PHF10: variants seen among roughly 807,000 people sequenced by gnomAD.
PHF10 encodes the protein BRG1-associated factor 45a.
In PHF10, 51 loss-of-function variants were observed where a neutral mutation model predicts 68.5. The ratio of observed to expected loss-of-function variants is 0.74; its 90% CI spans 0.59 to 0.94. The LOEUF is 0.94. Ranked by LOEUF, PHF10 falls within the 40% of genes least tolerant of loss-of-function variation. The pLI is 0.00. For missense variants in PHF10, 460 were observed against 602.6 expected (o/e 0.76, Z 2.48); for synonymous variants, 204 against 203.5 (o/e 1.00, Z -0.02).
intron 9 of PHF10, among the ~76,000 whole-genome samples, chr6:169,706,695 T>A (rs577961201): frequency 1.4e-5 from 2 of 138,434 alleles, no homozygotes; most frequent in East Asian, 2.1e-4. Context: ...GGGCCAAGAA[T>A]GAAATGGGGT....
Position 169,710,353 on chromosome 6 carries a change from A to C in PHF10, c.996T>G (p.Pro332=). 1 of 1,612,156 alleles carries C rather than the reference A, an allele frequency of 6.2e-7. No homozygotes were observed. Among genetic ancestry groups the C allele is most frequent in the Middle Eastern group, 1.7e-4 (1 of 6,050 alleles). The part of the protein sequence containing the change: ...SSGNVSEGES[P]PDSQEDSFQG... ...GGAAAGAGTCCTCCTGGCTGTCAGGAGGGCTTTCCCCTTCAGATACATTGC... is the reference window on the plus strand; with the variant it reads ...GGAAAGAGTCCTCCTGGCTGTCAGGCGGGCTTTCCCCTTCAGATACATTGC... The change falls in exon 9 of 12, where the codon CCT becomes CCG. Residue 332 remains proline (P), a synonymous_variant. Coordinates refer to ENST00000339209, the MANE Select transcript of PHF10 (RefSeq NM_018288.4).
chr6:169,706,390 G>A (rs868143188), intron 9 of PHF10, among the ~76,000 whole-genome samples: 1 of 151,876 alleles, frequency 6.6e-6, no homozygotes, highest in African/African-American at 2.4e-5. Context: ...TTATAAAAGG[G>A]AAAAATAAGT....
chr6:169,723,362 C>T (rs1332699894), intron 1 of PHF10, among the ~76,000 whole-genome samples: 3 of 152,212 alleles, frequency 2.0e-5, no homozygotes, highest in African/African-American at 7.2e-5. Flanking sequence ...AACATCCGGA[C>T]GCTTGCGTAT....
chr6:169,723,674 C>T (rs923242552), intron 1 of PHF10, among the ~76,000 whole-genome samples, 171 bp downstream of exon 1: 9 of 151,848 alleles, frequency 5.9e-5, no homozygotes, highest in African/African-American at 2.2e-4. Context: ...CTAGAGGCCG[C>T]GGGCTCACCT....
At chr6:169,718,185 A>G (rs529219372) in intron 3 of PHF10, among the ~76,000 whole-genome samples, 1 of 152,310 alleles carries the variant, frequency 6.6e-6, no homozygotes, top group African/African-American at 2.4e-5. Context: ...AAATTCAGAT[A>G]CGGCTCATAT....
chr6:169,712,420 C>T lies in PHF10; in HGVS notation c.923G>A (p.Arg308Gln), dbSNP rs148131584. 57 of 1,614,082 alleles carry T rather than the reference C, an allele frequency of 3.5e-5. No homozygotes were observed. In the African/African-American group the frequency reaches 5.9e-4, roughly 17 times the overall value. The change falls in exon 8 of 12, where the codon CGA becomes CAA. Residue 308 changes from arginine to glutamine, a missense_variant. Arg to Gln is a conservative substitution (Grantham distance 43). Coordinates refer to ENST00000339209, the MANE Select transcript of PHF10 (RefSeq NM_018288.4). ...TTTATTTTTCCGTTTCTCATCACCT[C>T]GACCATCTTCGCCATCATCTGAATC... ...DGDSDDGEDG[R>Q]GDEKRKNKGT...
Position 169,712,548 on chromosome 6 carries a change from C to G in PHF10, c.804-9G>C. Reference sequence around the variant, plus strand: ...GCTCATCTGGTGAGTACCTGAAGTTCAGAGAGTTTATTTTTGGTTTCCCTT... The same window carrying G: ...GCTCATCTGGTGAGTACCTGAAGTTGAGAGAGTTTATTTTTGGTTTCCCTT... On this transcript the variant is annotated splice_polypyrimidine_tract_variant and intron_variant, in intron 7 of 11. Transcript: ENST00000339209. 16 of 1,597,202 alleles carry G rather than the reference C, an allele frequency of 1.0e-5. No individual in the cohort carries two copies. The highest frequency in any genetic ancestry group is 1.4e-5 in the African/African-American group (1 of 73,730).
At chr6:169,713,871 C>T (rs1258521933) in intron 7 of PHF10, among the ~76,000 whole-genome samples, 1 of 152,116 alleles carries the variant, frequency 6.6e-6, no homozygotes, top group Non-Finnish European at 1.5e-5. Flanking sequence ...CACCTTTAAT[C>T]CGAGTACTTT....
intron 2 of PHF10, 87 bp from the exon 3 acceptor site, chr6:169,719,005 T>A: frequency 1.1e-6 from 1 of 901,952 alleles, no homozygotes; most frequent in African/African-American, 1.7e-5. Flanking sequence ...AAAACTATTT[T>A]AAGTATTTAA....
intron 4 of PHF10, among the ~76,000 whole-genome samples, chr6:169,716,380 T>A (rs1789047766): frequency 6.6e-6 from 1 of 152,056 alleles, no homozygotes; most frequent in South Asian, 2.1e-4. Flanking sequence ...TGGAAACAAC[T>A]GTTAAATAAT....
chr6:169,713,064 T>C (rs1051357416), intron 7 of PHF10, among the ~76,000 whole-genome samples: 3 of 152,192 alleles, frequency 2.0e-5, no homozygotes, highest in African/African-American at 7.2e-5. Context: ...GTAAACAAAT[T>C]TGGGAAGCAT....
chr6:169,721,294 A>G lies in PHF10; in HGVS notation c.88-183T>C, dbSNP rs371226856. Among the ~76,000 whole-genome samples, 35 of 152,344 alleles carry G rather than the reference A, an allele frequency of 2.3e-4. No individual in the cohort carries two copies. In the South Asian group the frequency reaches 4.1e-3, roughly 18 times the overall value. ...GAATAAAATTTAAAACTGATCTTCA[A>G]TCCAATCCAAATAAGAACATTTTCA... On this transcript the variant is annotated intron_variant, in intron 1 of 11. Coordinates refer to ENST00000339209, the MANE Select transcript of PHF10 (RefSeq NM_018288.4).
In PHF10 at chr6:169,715,814, A is replaced by G. The variant is rs2128330472; in HGVS notation, c.587T>C (p.Val196Ala). The G allele has an allele frequency of 1.2e-6, 2 of 1,613,870 alleles. No homozygotes were observed. The highest frequency in any genetic ancestry group is 1.7e-6 in the Non-Finnish European group (2 of 1,179,914). The change falls in exon 6 of 12, where the codon GTG (valine) becomes GCG (alanine). Residue 196 changes from valine (V) to alanine (A), a missense_variant. Val to Ala is a moderately conservative substitution (Grantham distance 64). Transcript: ENST00000339209. ...GGCAGCTTTCTTAATATACTCAGGCACTTTACTGGCTTCAACTTTCTGAGT... is the reference window on the plus strand; with the variant it reads ...GGCAGCTTTCTTAATATACTCAGGCGCTTTACTGGCTTCAACTTTCTGAGT... Reference protein sequence around the residue: ...QNTQKVEASKVPEYIKKAAKK... With the variant: ...QNTQKVEASKAPEYIKKAAKK...
chr6:169,715,629 C>T lies in PHF10; in HGVS notation c.693+79G>A, dbSNP rs956925747. 44 of 1,183,598 alleles carry T rather than the reference C, an allele frequency of 3.7e-5. No individual in the cohort carries two copies. The East Asian group carries it at 5.1e-4, about 14-fold the overall frequency. 73.3% of individuals were successfully genotyped at this position (1,183,598 alleles called of 1,614,324 possible). A position where few individuals can be genotyped will look rare whatever the true frequency, so the allele number is the denominator to read the frequency against. On this transcript the variant is annotated intron_variant, in intron 6 of 11. Coordinates refer to ENST00000339209, the MANE Select transcript of PHF10 (RefSeq NM_018288.4). Reference sequence around the variant, plus strand: ...CACACATAGGTGGTACAAAAAATAACGATAAAGGGGGTGATGGGCACTCTG... The same window carrying T: ...CACACATAGGTGGTACAAAAAATAATGATAAAGGGGGTGATGGGCACTCTG...
chr6:169,715,212 G>A (rs1160372791), intron 6 of PHF10, among the ~76,000 whole-genome samples: 2 of 152,072 alleles, frequency 1.3e-5, no homozygotes, highest in Admixed American at 6.5e-5. Context: ...CTCTTGGGAC[G>A]CACAGCAAGT....
intron 1 of PHF10, among the ~76,000 whole-genome samples, chr6:169,723,419 A>C (rs1229957293): frequency 1.3e-5 from 2 of 152,190 alleles, no homozygotes; most frequent in African/African-American, 4.8e-5. Flanking sequence ...GATTTTCCAT[A>C]TCGTTCGCCA....
At chr6:169,716,462 C>G (rs947916104) in intron 4 of PHF10, among the ~76,000 whole-genome samples, 4 of 151,530 alleles carry the variant, frequency 2.6e-5, no homozygotes, top group African/African-American at 4.9e-5. Context: ...TATTATAGTT[C>G]CCAGTCTTCA....
Position 169,716,022 on chromosome 6 carries a change from G to A in PHF10, c.476C>T (p.Ala159Val). 6.2e-7 allele frequency: 1 copy of A among 1,607,974 alleles called. No homozygotes were observed. The highest frequency in any genetic ancestry group is 8.5e-7 in the Non-Finnish European group (1 of 1,175,112). ...LMIKEYPAKH[A>V]EYSVILQEKE... ...TTCTTGTAGAATAACAGAATACTCA[G>A]CATGTTTGGCTGGATATTCTTTTAT... Residue 159 changes from alanine (A) to valine (V), a missense_variant, in exon 5 of 12, where the codon GCT becomes GTT. Transcript: ENST00000339209.
chr6:169,713,150 G>A (rs1339159577), intron 7 of PHF10, among the ~76,000 whole-genome samples: 2 of 152,144 alleles, frequency 1.3e-5, no homozygotes, highest in African/African-American at 4.8e-5. Context: ...AGACAGCACT[G>A]CTTCGTGCCA....
Sources: gnomAD v4.1 joint callset for allele counts (sites outside exome capture counted in the v4.1 genomes callset) on GRCh38, gnomAD v4.1.1 for gene constraint, MANE v1.5 for transcripts, NCBI Gene and HGNC (gene_info 2026-07-23, HGNC 2026-07-21) for gene names.